The following MAF variants were observed in gnomAD, a reference collection of about 807,000 sequenced individuals.
The protein encoded by MAF is MAF bZIP transcription factor, also known as transcription factor Maf.
A neutral mutation model predicts 22.0 loss-of-function variants in MAF; 10 were observed. The observed-to-expected ratio is 0.45, with a 90% confidence interval of 0.28 to 0.77. The LOEUF (loss-of-function observed/expected upper bound fraction) is 0.77. Ranked by LOEUF, MAF falls within the 30% of genes least tolerant of loss-of-function variation. MAF has a pLI of 0.12. For synonymous variants in MAF, 337 were observed against 255.8 expected, an observed-to-expected ratio of 1.32 and a Z score of -3.03; for missense variants, 544 against 548.4, an observed-to-expected ratio of 0.99 and a Z score of 0.08.
At position 79,593,892 on chromosome 16, in the gene MAF, C is replaced by G. The variant is rs189561489; in HGVS notation, c.*568G>C. The stretch of plus-strand genomic sequence containing the variant: ...ACATTGTTTTCATTTACAGCTATGT[C>G]TGACAAATGAGCACGTTTGACATCA... On this transcript the variant is annotated 3_prime_UTR_variant, in exon 2 of 2. Transcript: ENST00000326043. 14 of 191,384 alleles carry G rather than the reference C, an allele frequency of 7.3e-5. No individual in the cohort carries two copies. In the Admixed American group the frequency reaches 7.4e-4, roughly 10 times the overall value. 11.9% of individuals were successfully genotyped at this position (191,384 alleles called of 1,614,324 possible). A position where few individuals can be genotyped will look rare whatever the true frequency, so the allele number is the denominator to read the frequency against.
chr16:79,488,120 G>A, the MAF span, among the ~76,000 whole-genome samples: 3,349 of 152,270 alleles, frequency 0.022, 124 homozygotes, highest in African/African-American at 0.075. Context: ...CACGCCTGGC[G>A]CTGCCACCAC....
the MAF span, among the ~76,000 whole-genome samples, chr16:79,435,383 G>A: frequency 6.6e-6 from 1 of 152,162 alleles, no homozygotes; most frequent in Non-Finnish European, 1.5e-5. Flanking sequence ...TGGAATTCAA[G>A]GCCAAAGCCC....
At chr16:79,534,157 A>G in the MAF span, among the ~76,000 whole-genome samples, 1 of 152,226 alleles carries the variant, frequency 6.6e-6, no homozygotes, top group Non-Finnish European at 1.5e-5. Context: ...GTGAACATCC[A>G]AGGAGACTTC....
At chr16:79,446,633 C>T in the MAF span, among the ~76,000 whole-genome samples, 1 of 152,086 alleles carries the variant, frequency 6.6e-6, no homozygotes, top group Admixed American at 6.6e-5. Context: ...AGAAATCAGG[C>T]CGGGCGCAGT....
At chr16:79,287,473 A>T in the MAF span, among the ~76,000 whole-genome samples, 1 of 152,192 alleles carries the variant, frequency 6.6e-6, no homozygotes, top group Admixed American at 6.5e-5. Flanking sequence ...ACCTTAGTCC[A>T]TTGTGAGGGT....
chr16:79,416,305 G>A, the MAF span, among the ~76,000 whole-genome samples: 3 of 152,126 alleles, frequency 2.0e-5, no homozygotes, highest in Admixed American at 6.5e-5. Flanking sequence ...CATTCATTTA[G>A]CCATGAGTTA....
chr16:79,385,304 T>C, the MAF span, among the ~76,000 whole-genome samples: 12 of 152,212 alleles, frequency 7.9e-5, no homozygotes, highest in South Asian at 2.1e-4. Flanking sequence ...GAGTTGCTCA[T>C]TGGATTACAC....
chr16:79,424,169 T>C, the MAF span, among the ~76,000 whole-genome samples: 61,479 of 152,150 alleles, frequency 0.4, 14,030 homozygotes, highest in East Asian at 0.77. Flanking sequence ...CAAGAGCTGG[T>C]CTTGGAAGGA....
At chr16:79,431,849 G>C in the MAF span, among the ~76,000 whole-genome samples, 1 of 152,184 alleles carries the variant, frequency 6.6e-6, no homozygotes, top group African/African-American at 2.4e-5. Flanking sequence ...TGAATGCTCA[G>C]CAGGACTTTG....
downstream of MAF, among the ~76,000 whole-genome samples, chr16:79,591,339 T>C (rs192917848): frequency 1.4e-3 from 220 of 152,292 alleles, no homozygotes; most frequent in Non-Finnish European, 2.4e-3. Context: ...TTCCACTCTT[T>C]TTCCCAAAGC....
chr16:79,357,553 A>G, the MAF span, among the ~76,000 whole-genome samples: 1 of 152,118 alleles, frequency 6.6e-6, no homozygotes, highest in East Asian at 1.9e-4. Context: ...GTCAATCCTC[A>G]CTGCACTTTG....
the MAF span, among the ~76,000 whole-genome samples, chr16:79,538,844 AAG>A: frequency 1.3e-5 from 1 of 79,994 alleles, no homozygotes; most frequent in East Asian, 2.6e-4. Context: ...GAAGGAAAGA[AAG>A]AAAGAAAAGA....
chr16:79,474,314 T>C, the MAF span, among the ~76,000 whole-genome samples: 1 of 152,222 alleles, frequency 6.6e-6, no homozygotes, highest in Non-Finnish European at 1.5e-5. Context: ...TATTACCATT[T>C]ATAAAAATGC....
At chr16:79,524,630 T>C in the MAF span, among the ~76,000 whole-genome samples, 1 of 152,228 alleles carries the variant, frequency 6.6e-6, no homozygotes, top group South Asian at 2.1e-4. Context: ...GTTTCTTATT[T>C]TGTTTTGTTT....
At chr16:79,379,501 GCACACACACACA>G in the MAF span, among the ~76,000 whole-genome samples, 3 of 149,748 alleles carry the variant, frequency 2.0e-5, no homozygotes, top group South Asian at 2.1e-4. Flanking sequence ...TGGTGGAAGT[GCACACACACACA>G]CACACACACA....
intron 1 of MAF, chr16:79,595,212 T>A: frequency 1.9e-6 from 2 of 1,043,030 alleles, no homozygotes; most frequent in African/African-American, 3.3e-5. Context: ...AAGACTTTTG[T>A]TAAGCAAAAT....
At chr16:79,482,121 C>A in the MAF span, among the ~76,000 whole-genome samples, 1 of 152,178 alleles carries the variant, frequency 6.6e-6, no homozygotes, top group African/African-American at 2.4e-5. Flanking sequence ...GACGCATTGA[C>A]AAGATCCTTA....
At chr16:79,321,202 T>C in the MAF span, among the ~76,000 whole-genome samples, 1 of 152,086 alleles carries the variant, frequency 6.6e-6, no homozygotes, top group Non-Finnish European at 1.5e-5. Flanking sequence ...ACCAGGGAAA[T>C]TCCACAGCGC....
chr16:79,279,413 C>T, the MAF span, among the ~76,000 whole-genome samples: 1 of 152,190 alleles, frequency 6.6e-6, no homozygotes, highest in African/African-American at 2.4e-5. Flanking sequence ...AGGTTAGTGG[C>T]TCTGAGTTTC....
Sources: gnomAD v4.1 joint callset for allele counts (sites outside exome capture counted in the v4.1 genomes callset) on GRCh38, gnomAD v4.1.1 for gene constraint, MANE v1.5 for transcripts, NCBI Gene and HGNC (gene_info 2026-07-23, HGNC 2026-07-21) for gene names.